Variants in MAP3K5 observed in about 807,000 individuals in gnomAD.
MAP3K5 encodes the protein ASK-1.
In MAP3K5, 56 loss-of-function variants were observed where a neutral mutation model predicts 158.7. That is an observed-to-expected ratio of 0.35 (90% CI 0.28 to 0.44). The LOEUF is 0.44. Ranked by LOEUF, MAP3K5 falls within the 20% of genes least tolerant of loss-of-function variation. The pLI is 1.00. For synonymous variants in MAP3K5, 579 were observed against 601.7 expected (o/e 0.96, Z 0.55); for missense variants, 1,294 against 1,674.8 (o/e 0.77, Z 3.97).
At chr6:136,571,400 C>T (rs1774359170) in intron 25 of MAP3K5, among the ~76,000 whole-genome samples, 1 of 152,164 alleles carries the variant, frequency 6.6e-6, no homozygotes, top group Admixed American at 6.5e-5. Context: ...ACACTCCCTC[C>T]CACTTGTCGA....
chr6:136,687,482 C>T (rs1780199134), intron 7 of MAP3K5, among the ~76,000 whole-genome samples: 2 of 152,070 alleles, frequency 1.3e-5, no homozygotes, highest in Non-Finnish European at 1.5e-5. Context: ...TCAGAATGAA[C>T]AGGAAACCTA....
At chr6:136,567,562 G>C in intron 26 of MAP3K5, 69 bp downstream of exon 26, 11 of 1,478,474 alleles carry the variant, frequency 7.4e-6, no homozygotes, top group Non-Finnish European at 1.0e-5. Context: ...ATATTCTGTA[G>C]ACCAAAAACA....
At chr6:136,636,328 A>G (rs1269159158) in intron 14 of MAP3K5, among the ~76,000 whole-genome samples, 1 of 152,072 alleles carries the variant, frequency 6.6e-6, no homozygotes, top group Non-Finnish European at 1.5e-5. Flanking sequence ...ATCTACCAGC[A>G]CCCTGATCTT....
rs148381080 is a variant in MAP3K5 at position 136,760,595 on chromosome 6, T to C, written c.448+31115A>G. Among the ~76,000 whole-genome samples the C allele has an allele frequency of 6.2e-4, 94 of 152,284 alleles. 2 individuals carry two copies. The East Asian group carries it at 0.016, about 26-fold the overall frequency. ...ATGTTGAAATCCTCACCCCCCAAGG[T>C]GATAATATTACGAGGTGAGGGCTTT... On this transcript the variant is annotated intron_variant, in intron 1 of 29. Coordinates refer to ENST00000359015, the MANE Select transcript of MAP3K5 (RefSeq NM_005923.4).
chr6:136,587,275 T>C lies in MAP3K5; in HGVS notation c.3226-3535A>G, dbSNP rs538454196. On this transcript the variant is annotated intron_variant, in intron 23 of 29. Coordinates refer to ENST00000359015, the MANE Select transcript of MAP3K5 (RefSeq NM_005923.4). Reference sequence around the variant, plus strand: ...AAATATGTATCTAGAAACAATACAATGGCAATAATTACTTCTGATTGATTG... The same window carrying C: ...AAATATGTATCTAGAAACAATACAACGGCAATAATTACTTCTGATTGATTG... Among the ~76,000 whole-genome samples the C allele has an allele frequency of 9.9e-5, 15 of 152,270 alleles. No homozygotes were observed. In the South Asian group the frequency reaches 3.1e-3, roughly 32 times the overall value.
intron 7 of MAP3K5, among the ~76,000 whole-genome samples, chr6:136,670,338 C>T (rs541017413): frequency 1.7e-4 from 26 of 151,632 alleles, no homozygotes; most frequent in South Asian, 6.2e-4. Flanking sequence ...ATATGTAAAA[C>T]GAGAAAAATA....
At chr6:136,565,264 T>C (rs1208070490) in intron 26 of MAP3K5, among the ~76,000 whole-genome samples, 1 of 152,220 alleles carries the variant, frequency 6.6e-6, no homozygotes, top group Non-Finnish European at 1.5e-5. Flanking sequence ...GGCAATATTT[T>C]GAAATCAAGG....
At chr6:136,628,731 A>G (rs1777165488) in intron 14 of MAP3K5, among the ~76,000 whole-genome samples, 1 of 152,358 alleles carries the variant, frequency 6.6e-6, no homozygotes, top group East Asian at 1.9e-4. Flanking sequence ...AAATGGTGAT[A>G]GTAAAATGAA....
intron 7 of MAP3K5, among the ~76,000 whole-genome samples, chr6:136,685,368 T>C (rs1780104319): frequency 6.6e-6 from 1 of 152,082 alleles, no homozygotes; most frequent in Admixed American, 6.6e-5. Flanking sequence ...TATTTTCTGT[T>C]TTCACATTCT....
At chr6:136,673,675 T>A (rs1779576485) in intron 7 of MAP3K5, among the ~76,000 whole-genome samples, 2 of 146,130 alleles carry the variant, frequency 1.4e-5, no homozygotes, top group Admixed American at 6.9e-5. Context: ...AAAATGCATG[T>A]CAATAGAAGG....
chr6:136,715,108 C>A (rs1781464935), intron 2 of MAP3K5, among the ~76,000 whole-genome samples: 1 of 152,184 alleles, frequency 6.6e-6, no homozygotes, highest in Non-Finnish European at 1.5e-5. Flanking sequence ...CGTTTCAACA[C>A]AAACTGCATC....
chr6:136,753,013 C>CA (rs1361127526), intron 1 of MAP3K5, among the ~76,000 whole-genome samples: 21 of 152,148 alleles, frequency 1.4e-4, no homozygotes, highest in Non-Finnish European at 3.1e-4. Context: ...GCCCCACCCC[C>CA]AAATTTATAA....
At chr6:136,637,017 T>C in intron 14 of MAP3K5, 1 of 1,136,046 alleles carries the variant, frequency 8.8e-7, no homozygotes, top group Non-Finnish European at 1.1e-6. Context: ...ATTGCACATA[T>C]CTCAGAGGAG....
intron 1 of MAP3K5, among the ~76,000 whole-genome samples, chr6:136,786,996 T>A (rs1399747732): frequency 6.6e-6 from 1 of 152,062 alleles, no homozygotes; most frequent in Non-Finnish European, 1.5e-5. Context: ...CTGTTTCCCA[T>A]GTAAACGTTG....
intron 9 of MAP3K5, among the ~76,000 whole-genome samples, chr6:136,658,305 CTTTCTTTCTTTTTTTTT>C (rs1243922779): frequency 8.9e-6 from 1 of 112,236 alleles, no homozygotes; most frequent in African/African-American, 3.5e-5. Context: ...TTCTTTCTTT[CTTTCTTTCTTTTTTTTT>C]TTTTTTTTTT....
At chr6:136,581,331 T>C (rs1774866085) in intron 24 of MAP3K5, among the ~76,000 whole-genome samples, 1 of 152,240 alleles carries the variant, frequency 6.6e-6, no homozygotes, top group Admixed American at 6.5e-5. Flanking sequence ...TTCCATTGTA[T>C]GTATTTATCA....
Position 136,558,781 on chromosome 6 carries a change from A to G in MAP3K5, c.4064+19T>C. 3 of 1,498,464 alleles carry G rather than the reference A, an allele frequency of 2.0e-6. No individual in the cohort carries two copies. The highest frequency in any genetic ancestry group is 2.8e-6 in the Non-Finnish European group (3 of 1,076,818). 92.8% of individuals were successfully genotyped at this position (1,498,464 alleles called of 1,614,324 possible). On this transcript the variant is annotated intron_variant, in intron 29 of 29. Coordinates refer to ENST00000359015, the MANE Select transcript of MAP3K5 (RefSeq NM_005923.4). ...GCCTGGTGCTCTTTCCATAGTGACA[A>G]CAGAAAGAAAAGTGGTACCTTAGTC...
intron 10 of MAP3K5, among the ~76,000 whole-genome samples, chr6:136,654,584 T>C (rs1031206562): frequency 2.0e-5 from 3 of 152,100 alleles, no homozygotes; most frequent in African/African-American, 7.2e-5. Context: ...ATAGCTGGGA[T>C]TACAGGTATG....
Position 136,557,789 on chromosome 6 carries a change from G to T in MAP3K5, c.4094C>A (p.Ala1365Asp), listed in dbSNP as rs1333851332. Residue 1365 changes from alanine (A) to aspartate (D), a missense_variant, in exon 30 of 30, where the codon GCT becomes GAT. Ala to Asp is a moderately radical substitution (Grantham distance 126). Around this residue, in one of 5 missense-constraint regions of MAP3K5, gnomAD observed 199 missense variants for 220.3 expected, o/e 0.90. Coordinates refer to ENST00000359015, the MANE Select transcript of MAP3K5 (RefSeq NM_005923.4). ...CTGTTTGTTTCGAAAGTCAATGATAGCCTTCCACAGTGTGCACAGCATCCC... is the reference window on the plus strand; with the variant it reads ...CTGTTTGTTTCGAAAGTCAATGATATCCTTCCACAGTGTGCACAGCATCCC... ...RGGMLCTLWK[A>D]IIDFRNKQT 1 of 1,612,432 alleles carries T rather than the reference G, an allele frequency of 6.2e-7. No individual in the cohort carries two copies. Among genetic ancestry groups the T allele is most frequent in the African/African-American group, 1.3e-5 (1 of 74,968 alleles).
Sources: gnomAD v4.1 joint callset for allele counts (sites outside exome capture counted in the v4.1 genomes callset) on GRCh38, gnomAD v4.1.1 for gene constraint, gnomAD v4.1.1 regional missense constraint, MANE v1.5 for transcripts, NCBI Gene and HGNC (gene_info 2026-07-23, HGNC 2026-07-21) for gene names.